Variants in ARHGEF7 observed in about 807,000 individuals in gnomAD.
ARHGEF7 encodes PAK-interacting exchange factor beta.
In ARHGEF7, 33 loss-of-function variants were observed where a neutral mutation model predicts 109.8. The observed-to-expected ratio is 0.30, with a 90% CI of 0.23 to 0.40. ARHGEF7 has a LOEUF of 0.40. ARHGEF7 is among the 10% of genes least tolerant of loss of function. ARHGEF7 has a pLI of 1.00. For synonymous variants in ARHGEF7, 458 were observed against 424.6 expected, an observed-to-expected ratio of 1.08 and a Z score of -0.97; for missense variants, 938 against 1,098.5, an observed-to-expected ratio of 0.85 and a Z score of 2.07.
At chr13:111,285,205 A>C (rs1356509853) in intron 16 of ARHGEF7, among the ~76,000 whole-genome samples, 1 of 151,884 alleles carries the variant, frequency 6.6e-6, no homozygotes, top group Non-Finnish European at 1.5e-5. Flanking sequence ...AGGGTCTGTC[A>C]TTTCCATGGT....
At chr13:111,163,019 T>G (rs541495352) in intron 2 of ARHGEF7, among the ~76,000 whole-genome samples, 1 of 152,226 alleles carries the variant, frequency 6.6e-6, no homozygotes, top group Non-Finnish European at 1.5e-5. Context: ...ACCAAAGATA[T>G]GTTTGAGGCA....
chr13:111,299,223 G>C (rs533860670), intron 19 of ARHGEF7, among the ~76,000 whole-genome samples: 4 of 152,230 alleles, frequency 2.6e-5, no homozygotes, highest in African/African-American at 9.6e-5. Context: ...AATAACAGTG[G>C]TGCCCTCGCG....
chr13:111,204,951 G>A (rs972148133), intron 2 of ARHGEF7, among the ~76,000 whole-genome samples: 16 of 149,982 alleles, frequency 1.1e-4, no homozygotes, highest in Non-Finnish European at 1.9e-4. Flanking sequence ...AGGAGAGGAG[G>A]ATTGCGCAAG....
chr13:111,301,594 T>C (rs1395282842), intron 21 of ARHGEF7, 62 bp downstream of exon 21: 1 of 1,414,512 alleles, frequency 7.1e-7, no homozygotes, highest in Non-Finnish European at 9.9e-7. Flanking sequence ...AGAAGAAAAT[T>C]ACATTAAAAA....
chr13:111,250,874 G>T (rs1049839989), intron 8 of ARHGEF7, among the ~76,000 whole-genome samples: 2 of 152,224 alleles, frequency 1.3e-5, no homozygotes, highest in Non-Finnish European at 2.9e-5. Context: ...TAGGGTAAGG[G>T]ATGGGAGCAG....
At chr13:111,248,786 A>T (rs1172048657) in intron 8 of ARHGEF7, among the ~76,000 whole-genome samples, 1 of 152,244 alleles carries the variant, frequency 6.6e-6, no homozygotes, top group Non-Finnish European at 1.5e-5. Context: ...AATAATTAGA[A>T]TAACTGCTTT....
intron 1 of ARHGEF7, among the ~76,000 whole-genome samples, chr13:111,153,366 C>T (rs973322803): frequency 2.0e-5 from 3 of 152,130 alleles, no homozygotes; most frequent in African/African-American, 7.2e-5. Flanking sequence ...CGGGGCCAGG[C>T]CAAGGACCTG....
At chr13:111,279,054 C>T (rs144576568) in intron 13 of ARHGEF7, among the ~76,000 whole-genome samples, 1,621 of 152,332 alleles carry the variant, frequency 0.011, 30 homozygotes, top group African/African-American at 0.035. Flanking sequence ...AGTGTTCGGT[C>T]CAGCCACAGT....
rs554329844 is a variant in ARHGEF7, at chr13:111,234,320, G to A, written c.759+1027G>A. Among the ~76,000 whole-genome samples, 11 of 152,230 alleles carry A rather than the reference G, an allele frequency of 7.2e-5. No homozygotes were observed. The South Asian group carries it at 2.3e-3, about 32-fold the overall frequency. ...GCTGTGCCACCGTCTTGTGCTGCGG[G>A]GCTTGCACTCTCAGCTTCCTCCTGA... is the stretch of plus-strand genomic sequence containing the variant. On this transcript the variant is annotated intron_variant, in intron 6 of 21. Coordinates refer to ENST00000646102, the MANE Select transcript of ARHGEF7 (RefSeq NM_001354046.2).
chr13:111,201,001 A>C (rs1298110907), intron 2 of ARHGEF7, among the ~76,000 whole-genome samples: 1 of 152,170 alleles, frequency 6.6e-6, no homozygotes, highest in African/African-American at 2.4e-5. Flanking sequence ...CCTCAGTCTT[A>C]AATATTAATG....
chr13:111,234,970 T>C (rs1391331081), intron 6 of ARHGEF7, among the ~76,000 whole-genome samples: 1 of 152,210 alleles, frequency 6.6e-6, no homozygotes, highest in African/African-American at 2.4e-5. Context: ...ATGTAGCTTA[T>C]GTGTAGTTTT....
intron 2 of ARHGEF7, among the ~76,000 whole-genome samples, chr13:111,190,815 GGC>G (rs2079798963): frequency 6.6e-6 from 1 of 152,152 alleles, no homozygotes; most frequent in African/African-American, 2.4e-5. Flanking sequence ...AATACATCTT[GGC>G]TGGGTAGACA....
chr13:111,283,140 T>C lies in ARHGEF7; in HGVS notation c.1727T>C (p.Leu576Pro). 1 of 1,581,666 alleles carries C rather than the reference T, an allele frequency of 6.3e-7. No homozygotes were observed. Among genetic ancestry groups the C allele is most frequent in the Non-Finnish European group, 8.6e-7 (1 of 1,163,968 alleles). ...IKPHSVPSHTLPSHPVTPSSK... is the reference protein window; with the variant it reads ...IKPHSVPSHTPPSHPVTPSSK... The stretch of plus-strand genomic sequence containing the variant: ...CTTCCCGCTCTGTGCCCTTGGCAGC[T>C]CCCCTCCCACCCGGTCACTCCGTCC... The change falls in exon 16 of 22, where the codon CTC becomes CCC. Residue 576 changes from leucine to proline, a missense_variant and splice_region_variant. Leu to Pro is a moderately conservative substitution (Grantham distance 98). Coordinates refer to ENST00000646102, the MANE Select transcript of ARHGEF7 (RefSeq NM_001354046.2).
Position 111,221,273 on chromosome 13 carries a change from CT to C in ARHGEF7, c.670+3394del, listed in dbSNP as rs2083922110. Reference sequence around the variant, plus strand: ...TATATATCTATATAGATATATATGTCTATATATATCTATATAGATATATATG... The same window carrying C: ...TATATATCTATATAGATATATATGTCATATATATCTATATAGATATATATG... On this transcript the variant is annotated intron_variant, in intron 5 of 21. Transcript: ENST00000646102. Among the ~76,000 whole-genome samples the C allele has an allele frequency of 3.8e-4, 17 of 44,960 alleles. 2 individuals carry two copies. Among genetic ancestry groups the C allele is most frequent in the African/African-American group, 1.8e-3 (16 of 9,006 alleles). The allele number at this position is 44,960 out of a possible 152,430, so 29.5% of individuals were successfully genotyped here.
chr13:111,284,871 G>A (rs1208362891), intron 16 of ARHGEF7, among the ~76,000 whole-genome samples: 7 of 152,194 alleles, frequency 4.6e-5, no homozygotes, highest in Admixed American at 1.3e-4. Flanking sequence ...AGGTGCCCTC[G>A]GAGCACGTGA....
At chr13:111,251,857 A>G (rs1255818601) in intron 8 of ARHGEF7, among the ~76,000 whole-genome samples, 1 of 152,088 alleles carries the variant, frequency 6.6e-6, no homozygotes, top group Non-Finnish European at 1.5e-5. Context: ...CTTCACATAC[A>G]CTCATGCATG....
chr13:111,242,416 A>G (rs1419740187), intron 6 of ARHGEF7, among the ~76,000 whole-genome samples: 3 of 152,224 alleles, frequency 2.0e-5, no homozygotes, highest in Non-Finnish European at 2.9e-5. Flanking sequence ...TGGATTATCA[A>G]AAATGATGGG....
intron 16 of ARHGEF7, 31 bp downstream of exon 16, chr13:111,283,394 A>G: frequency 3.3e-6 from 5 of 1,535,208 alleles, no homozygotes; most frequent in African/African-American, 1.4e-5. Flanking sequence ...AAACAGCCAG[A>G]TGACGGTGAG....
intron 2 of ARHGEF7, among the ~76,000 whole-genome samples, chr13:111,174,047 C>A (rs548689098): frequency 9.2e-5 from 14 of 152,178 alleles, no homozygotes; most frequent in Admixed American, 9.2e-4. Flanking sequence ...ACCCAGCCCT[C>A]CCCCTGTACT....
Sources: allele counts gnomAD v4.1 joint callset (sites outside exome capture counted in the v4.1 genomes callset), GRCh38; gene constraint gnomAD v4.1.1; transcripts MANE v1.5; gene names NCBI Gene and HGNC (gene_info 2026-07-23, HGNC 2026-07-21).